The following MYT1L variants were observed in gnomAD, a reference collection of about 807,000 sequenced individuals.
The protein encoded by MYT1L is myelin transcription factor 1 like.
A neutral mutation model predicts 126.7 loss-of-function variants in MYT1L; 12 were observed. That is an observed-to-expected ratio of 0.09 (90% CI 0.06 to 0.15). The LOEUF (loss-of-function observed/expected upper bound fraction) is 0.15. MYT1L is among the 10% of genes least tolerant of loss of function. The probability of loss-of-function intolerance (pLI) is 1.00; values close to 1 mark genes in which losing one functional copy is unlikely to be tolerated. For synonymous variants in MYT1L, 541 were observed against 604.2 expected, an observed-to-expected ratio of 0.90 and a Z score of 1.53; for missense variants, 979 against 1,585.2, an observed-to-expected ratio of 0.62 and a Z score of 6.49.
chr2:1,993,224 C>G (rs2149581171), intron 5 of MYT1L, among the ~76,000 whole-genome samples: 1 of 152,288 alleles, frequency 6.6e-6, no homozygotes, highest in South Asian at 2.1e-4. Context: ...TCTGTCTGGG[C>G]AGCAGGCAAG....
intron 3 of MYT1L, among the ~76,000 whole-genome samples, chr2:2,133,239 C>CA (rs1203475597): frequency 6.6e-6 from 1 of 152,164 alleles, no homozygotes; most frequent in African/African-American, 2.4e-5. Context: ...TATACAGGCA[C>CA]AAAAACCAAG....
intron 2 of MYT1L, among the ~76,000 whole-genome samples, chr2:2,219,825 T>C (rs912727103): frequency 6.6e-6 from 1 of 152,210 alleles, no homozygotes; most frequent in Non-Finnish European, 1.5e-5. Flanking sequence ...GGTGTACTCT[T>C]ATGGCAGAAC....
chr2:2,103,460 T>G (rs1439975329), intron 3 of MYT1L, among the ~76,000 whole-genome samples: 1 of 152,200 alleles, frequency 6.6e-6, no homozygotes, highest in East Asian at 1.9e-4. Context: ...CAGTTAGTGG[T>G]GGCATGTCTG....
At chr2:2,020,448 T>A (rs1441906108) in intron 4 of MYT1L, among the ~76,000 whole-genome samples, 1 of 152,190 alleles carries the variant, frequency 6.6e-6, no homozygotes, top group African/African-American at 2.4e-5. Context: ...ACGAACACAT[T>A]TGCCAGTGTG....
intron 18 of MYT1L, among the ~76,000 whole-genome samples, chr2:1,859,364 T>C (rs892117346): frequency 3.3e-4 from 51 of 152,314 alleles, no homozygotes; most frequent in African/African-American, 1.2e-3. Flanking sequence ...ACATGGGAAA[T>C]AATTTTAAAA....
At chr2:2,285,376 G>T (rs150895539) in intron 1 of MYT1L, among the ~76,000 whole-genome samples, 1 of 152,208 alleles carries the variant, frequency 6.6e-6, no homozygotes, top group Non-Finnish European at 1.5e-5. Context: ...GCACAGACCA[G>T]GAAGTTTCCC....
intron 3 of MYT1L, among the ~76,000 whole-genome samples, chr2:2,164,196 G>A (rs183637522): frequency 3.9e-4 from 59 of 152,156 alleles, no homozygotes; most frequent in Middle Eastern, 6.8e-3. Flanking sequence ...GTGAATAGGC[G>A]TTTGTTTTTT....
rs2053772198 is a variant in MYT1L, at chr2:1,923,069, C to T, written c.700G>A (p.Glu234Lys). Reference protein sequence around the residue: ...EMNSNTSNSLEDDSDKNENLG... With the variant: ...EMNSNTSNSLKDDSDKNENLG... ...TTTTCGTTTTTGTCACTATCGTCTT[C>T]CAGACTATTGGAGGTATTGCTGTTC... Residue 234 changes from glutamate to lysine, a missense_variant, in exon 10 of 25, where the codon GAA becomes AAA. By Grantham distance (56) the Glu-to-Lys change is moderately conservative. Coordinates refer to ENST00000647738, the MANE Select transcript of MYT1L (RefSeq NM_001303052.2). 6.2e-7 allele frequency: 1 copy of T among 1,613,910 alleles called. No homozygotes were observed. The highest frequency in any genetic ancestry group is 8.5e-7 in the Non-Finnish European group (1 of 1,179,904).
At chr2:2,243,179 T>C (rs1230808149) in intron 2 of MYT1L, among the ~76,000 whole-genome samples, 2 of 152,192 alleles carry the variant, frequency 1.3e-5, no homozygotes, top group East Asian at 1.9e-4. Flanking sequence ...AGTTGAGGAA[T>C]TGAAATTGTC....
intron 19 of MYT1L, among the ~76,000 whole-genome samples, chr2:1,846,345 G>C (rs1007889610): frequency 1.3e-5 from 2 of 152,210 alleles, no homozygotes; most frequent in African/African-American, 4.8e-5. Flanking sequence ...ATTCCACGCT[G>C]GCATTTGGGA....
intron 13 of MYT1L, among the ~76,000 whole-genome samples, chr2:1,905,358 A>T (rs1449853504): frequency 6.9e-6 from 1 of 145,292 alleles, no homozygotes; most frequent in Non-Finnish European, 1.5e-5. Flanking sequence ...AAGGACAGTA[A>T]TTTTTTTTTT....
chr2:2,169,191 C>G (rs985221699), intron 3 of MYT1L, among the ~76,000 whole-genome samples: 2 of 152,192 alleles, frequency 1.3e-5, no homozygotes, highest in Non-Finnish European at 2.9e-5. Context: ...CTATAACTTT[C>G]TAGGAAATAT....
chr2:2,267,138 G>A (rs2095151886), intron 2 of MYT1L, among the ~76,000 whole-genome samples: 1 of 152,188 alleles, frequency 6.6e-6, no homozygotes, highest in Admixed American at 6.5e-5. Flanking sequence ...GGGCGTGCCT[G>A]GGAGCAGCTG....
intron 15 of MYT1L, 41 bp downstream of exon 15, chr2:1,891,996 C>G (rs1009029553): frequency 5.4e-6 from 8 of 1,469,614 alleles, no homozygotes; most frequent in Non-Finnish European, 7.2e-6. Context: ...GCCCGGCCTC[C>G]CCCACCCGCC....
At chr2:2,280,693 G>A (rs1043216524) in intron 2 of MYT1L, among the ~76,000 whole-genome samples, 16 of 152,162 alleles carry the variant, frequency 1.1e-4, no homozygotes, top group Middle Eastern at 3.2e-3. Flanking sequence ...GGGTGGCCAC[G>A]CGCGTGCAGC....
At chr2:1,995,503 G>A (rs2061762061) in intron 5 of MYT1L, among the ~76,000 whole-genome samples, 1 of 152,216 alleles carries the variant, frequency 6.6e-6, no homozygotes, top group Non-Finnish European at 1.5e-5. Flanking sequence ...CCTGCCTCTT[G>A]CAGAAGAGAG....
At chr2:1,832,048 T>C (rs2040267605) in intron 21 of MYT1L, among the ~76,000 whole-genome samples, 1 of 152,148 alleles carries the variant, frequency 6.6e-6, no homozygotes, top group Non-Finnish European at 1.5e-5. Context: ...TCCCCACTTT[T>C]ATGGTGTGAG....
intron 3 of MYT1L, among the ~76,000 whole-genome samples, chr2:2,110,809 G>A (rs903400472): frequency 6.6e-6 from 1 of 152,182 alleles, no homozygotes; most frequent in African/African-American, 2.4e-5. Flanking sequence ...AGGGGTGTGA[G>A]GATGCTGTGT....
At chr2:2,323,842 C>G (rs1396399065) in intron 1 of MYT1L, among the ~76,000 whole-genome samples, 1 of 152,158 alleles carries the variant, frequency 6.6e-6, no homozygotes, top group Non-Finnish European at 1.5e-5. Context: ...CATCTTCCAG[C>G]TAGGAAAAAT....
Sources: allele counts gnomAD v4.1 joint callset (sites outside exome capture counted in the v4.1 genomes callset), GRCh38; gene constraint gnomAD v4.1.1; transcripts MANE v1.5; gene names NCBI Gene and HGNC (gene_info 2026-07-23, HGNC 2026-07-21).